The following POLR2F variants were observed in gnomAD, a reference collection of about 807,000 sequenced individuals.
POLR2F encodes the protein DNA-directed RNA polymerases I, II, and III subunit RPABC2.
A neutral mutation model predicts 22.7 loss-of-function variants in POLR2F; 12 were observed. That is an observed-to-expected ratio of 0.53 (90% CI 0.34 to 0.86). POLR2F has a LOEUF of 0.86. POLR2F is among the 40% of genes least tolerant of loss of function. POLR2F has a pLI of 0.02. For missense variants in POLR2F, 126 were observed against 171.5 expected, an observed-to-expected ratio of 0.73 and a Z score of 1.48; for synonymous variants, 57 against 66.0, an observed-to-expected ratio of 0.86 and a Z score of 0.66.
At chr22:38,032,331 T>G (rs1421948683) in intron 5 of POLR2F, 1 of 152,296 alleles carries the variant, frequency 6.6e-6, no homozygotes, top group Non-Finnish European at 1.5e-5. Flanking sequence ...AACTGGCCAG[T>G]GTCCTCTCAC....
intron 2 of POLR2F, among the ~76,000 whole-genome samples, chr22:37,957,582 C>A (rs1462338299): frequency 1.3e-5 from 2 of 152,106 alleles, no homozygotes; most frequent in Non-Finnish European, 2.9e-5. Flanking sequence ...AGACATGGAG[C>A]CTTCTCTCTC....
intron 1 of POLR2F, among the ~76,000 whole-genome samples, chr22:37,990,476 C>T (rs1425755568): frequency 6.6e-6 from 1 of 152,380 alleles, no homozygotes; most frequent in Admixed American, 6.5e-5. Context: ...TGCTGGAATG[C>T]CCTTCCTGGC....
At chr22:37,981,989 C>T (rs1932412095), upstream of POLR2F, among the ~76,000 whole-genome samples, 3 of 152,316 alleles carry the variant, frequency 2.0e-5, no homozygotes, top group South Asian at 6.2e-4. Flanking sequence ...CCTCCTGCAC[C>T]TTCTACCACT....
intron 1 of POLR2F, among the ~76,000 whole-genome samples, chr22:38,011,008 G>A (rs144890290): frequency 3.9e-5 from 6 of 152,196 alleles, no homozygotes; most frequent in African/African-American, 9.6e-5. Flanking sequence ...ATTTCATGTC[G>A]TATCTAGGAA....
chr22:38,005,893 A>G (rs1335892835), intron 1 of POLR2F, among the ~76,000 whole-genome samples: 1 of 152,224 alleles, frequency 6.6e-6, no homozygotes, highest in African/African-American at 2.4e-5. Flanking sequence ...TTTTTATTGT[A>G]TGTTACAGAA....
rs2145831385 is a variant in POLR2F, at chr22:38,031,721, G to A, written c.453-9347G>A. On this transcript the variant is annotated intron_variant, in intron 5 of 5. Transcript: ENST00000407936. This position sits in a 1 kb window ranked among gnomAD's most constrained non-coding sequence, Gnocchi z 4.1. ...TGCTTCCAGCCTGAAAGTGCTGTGA[G>A]TCCATGTCTCAAACCCGCGTCACCA... 6.6e-6 allele frequency among the ~76,000 whole-genome samples: 1 copy of A among 152,258 alleles called. No individual in the cohort carries two copies. Among genetic ancestry groups the A allele is most frequent in the Admixed American group, 6.5e-5 (1 of 15,300 alleles).
At chr22:38,029,956 C>T (rs928403609), downstream of POLR2F, among the ~76,000 whole-genome samples, 7 of 152,222 alleles carry the variant, frequency 4.6e-5, no homozygotes, top group African/African-American at 1.7e-4. Context: ...AGGGGAAAGG[C>T]ATTTTGGGAA....
At chr22:37,983,905 C>T, upstream of POLR2F, 2 of 866,384 alleles carry the variant, frequency 2.3e-6, no homozygotes, top group Non-Finnish European at 3.1e-6. This position sits in a 1 kb window ranked among gnomAD's most constrained non-coding sequence, Gnocchi z 9.5. Flanking sequence ...CGGCCGCGCG[C>T]GCAGCCCCGA....
In POLR2F at chr22:38,037,545, G is replaced by T. The variant is rs190199578; in HGVS notation, c.453-3523G>T. Among the ~76,000 whole-genome samples, 613 of 151,326 alleles carry T rather than the reference G, an allele frequency of 4.1e-3. 6 individuals are homozygous for T. The highest frequency in any genetic ancestry group is 0.014 in the African/African-American group (594 of 41,046). Reference sequence around the variant, plus strand: ...CTGCTTTGGTCTCCCAAAGTGCTGGGAATGCAGCTGTGAGCCACTTCCTGG... The same window carrying T: ...CTGCTTTGGTCTCCCAAAGTGCTGGTAATGCAGCTGTGAGCCACTTCCTGG... On this transcript the variant is annotated intron_variant, in intron 5 of 5. Coordinates refer to the POLR2F transcript ENST00000407936.
chr22:37,999,767 T>C (rs1569177053), intron 1 of POLR2F, among the ~76,000 whole-genome samples: 2 of 152,180 alleles, frequency 1.3e-5, no homozygotes, highest in Non-Finnish European at 1.5e-5. Context: ...GGGTTTCCTC[T>C]TGAAAATGGG....
intron 1 of POLR2F, among the ~76,000 whole-genome samples, chr22:37,994,723 G>C (rs182107736): frequency 7.6e-4 from 116 of 152,282 alleles, no homozygotes; most frequent in African/African-American, 2.8e-3. Flanking sequence ...TTTCACCGTG[G>C]TCTCGAGCTC....
At chr22:38,040,282 C>CAAAA (rs58402199) in intron 5 of POLR2F, 610 of 58,062 alleles carry the variant, frequency 0.011, 32 homozygotes, top group East Asian at 0.035. Context: ...GACCCTGTCT[C>CAAAA]AAAAAAAAAA....
At chr22:37,979,971 C>T (rs1426137022) in intron 4 of POLR2F, among the ~76,000 whole-genome samples, 1 of 151,920 alleles carries the variant, frequency 6.6e-6, no homozygotes, top group African/African-American at 2.4e-5. Flanking sequence ...CCTCCCCAGG[C>T]TGGGCGGGGG....
At chr22:37,987,056 C>T (rs577460389) in intron 1 of POLR2F, 5 of 456,708 alleles carry the variant, frequency 1.1e-5, no homozygotes, top group South Asian at 6.2e-5. Context: ...GACCTCCTTA[C>T]CCCACCCCCC....
upstream of POLR2F, chr22:37,983,604 C>A: frequency 1.2e-6 from 2 of 1,607,714 alleles, no homozygotes. This position sits in a 1 kb window ranked among gnomAD's most constrained non-coding sequence, Gnocchi z 9.5. Flanking sequence ...TCCGCCTCGC[C>A]GTCCTGCTGC....
intron 1 of POLR2F, among the ~76,000 whole-genome samples, chr22:38,011,175 C>T (rs1462253393): frequency 6.6e-6 from 1 of 152,174 alleles, no homozygotes. Context: ...GATCACAGCT[C>T]ACTACAGCCT....
chr22:38,009,713 A>C (rs925360836), intron 1 of POLR2F, among the ~76,000 whole-genome samples: 1 of 151,410 alleles, frequency 6.6e-6, no homozygotes, highest in Non-Finnish European at 1.5e-5. Flanking sequence ...ACGTGCAGTC[A>C]CTGTAGATTA....
chr22:38,008,009 G>A (rs553362800), intron 1 of POLR2F, among the ~76,000 whole-genome samples: 5 of 152,308 alleles, frequency 3.3e-5, no homozygotes, highest in Admixed American at 3.3e-4. Context: ...GGAGGCTGAG[G>A]CAGGTGGATC....
chr22:37,956,315 C>T (rs1931396703), intron 1 of POLR2F, among the ~76,000 whole-genome samples: 1 of 151,666 alleles, frequency 6.6e-6, no homozygotes, highest in Admixed American at 6.6e-5. Context: ...TGGCCTTGAA[C>T]TCCACCCGCC....
Sources: allele counts gnomAD v4.1 joint callset (sites outside exome capture counted in the v4.1 genomes callset), GRCh38; gene constraint gnomAD v4.1.1; non-coding constraint Gnocchi (gnomAD v3.1); transcripts MANE v1.5; gene names NCBI Gene and HGNC (gene_info 2026-07-23, HGNC 2026-07-21).